Variants in ARK2C observed in about 807,000 individuals in gnomAD.
ARK2C encodes the protein E3 ubiquitin-protein ligase ARK2C.
At chr18:46,438,702 A>G in the ARK2C span, among the ~76,000 whole-genome samples, 35 of 152,310 alleles carry the variant, frequency 2.3e-4, 1 homozygote, top group South Asian at 6.8e-3. Flanking sequence ...GCACCTGTGA[A>G]TATGAGGGGC....
the ARK2C span, among the ~76,000 whole-genome samples, chr18:46,404,513 G>A: frequency 6.6e-6 from 1 of 152,132 alleles, no homozygotes; most frequent in African/African-American, 2.4e-5. Flanking sequence ...CAGCACTTTG[G>A]GTGGCCGAGG....
chr18:46,423,343 T>A, the ARK2C span, among the ~76,000 whole-genome samples: 2 of 152,148 alleles, frequency 1.3e-5, no homozygotes, highest in Non-Finnish European at 2.9e-5. Flanking sequence ...ACCTCAGCCA[T>A]TCCTCAGCAT....
At chr18:46,384,411 G>T in the ARK2C span, among the ~76,000 whole-genome samples, 1 of 152,236 alleles carries the variant, frequency 6.6e-6, no homozygotes, top group Non-Finnish European at 1.5e-5. Flanking sequence ...CTTCTTCAGA[G>T]ATCTGCCCCT....
chr18:46,334,717 A>T, the ARK2C span: 1,961 of 47,212 alleles, frequency 0.042, 29 homozygotes, highest in Middle Eastern at 0.2. This position sits in a 1 kb window ranked among gnomAD's most constrained non-coding sequence, Gnocchi z 4.4. Context: ...TGTGTGTGTG[A>T]GAGAGAGAGA....
At chr18:46,402,656 C>G in the ARK2C span, among the ~76,000 whole-genome samples, 16 of 152,198 alleles carry the variant, frequency 1.1e-4, no homozygotes, top group African/African-American at 3.6e-4. Flanking sequence ...CATGCACCAC[C>G]ATGCCTGGAT....
chr18:46,348,109 C>G, the ARK2C span, among the ~76,000 whole-genome samples: 1 of 151,984 alleles, frequency 6.6e-6, no homozygotes, highest in Non-Finnish European at 1.5e-5. Flanking sequence ...TGGGTGTTCT[C>G]TTAGCCTGCG....
chr18:46,419,301 T>C, the ARK2C span, among the ~76,000 whole-genome samples: 39,869 of 152,100 alleles, frequency 0.26, 6,156 homozygotes, highest in East Asian at 0.73. Flanking sequence ...CCATCCTCCG[T>C]AGCCAGCCCT....
chr18:46,339,387 A>G, the ARK2C span, among the ~76,000 whole-genome samples: 1 of 152,232 alleles, frequency 6.6e-6, no homozygotes, highest in Non-Finnish European at 1.5e-5. Flanking sequence ...TAACCTAGTA[A>G]TAATATAGCA....
chr18:46,408,370 G>T, the ARK2C span, among the ~76,000 whole-genome samples: 6 of 152,342 alleles, frequency 3.9e-5, no homozygotes, highest in South Asian at 1.2e-3. Flanking sequence ...AGCCAGAGTT[G>T]GCCTTAGGCT....
At chr18:46,419,750 G>A in the ARK2C span, among the ~76,000 whole-genome samples, 1,216 of 152,300 alleles carry the variant, frequency 8.0e-3, 7 homozygotes, top group African/African-American at 0.019. Context: ...AACTGGAGAC[G>A]GACAGGCCTC....
At chr18:46,394,306 C>T in the ARK2C span, among the ~76,000 whole-genome samples, 10 of 152,250 alleles carry the variant, frequency 6.6e-5, no homozygotes, top group Non-Finnish European at 1.0e-4. Flanking sequence ...TGCGTCCCAG[C>T]TCACTGGTCA....
the ARK2C span, among the ~76,000 whole-genome samples, chr18:46,402,610 C>T: frequency 2.0e-5 from 3 of 152,276 alleles, no homozygotes; most frequent in Admixed American, 6.5e-5. Flanking sequence ...AAGTGATCCT[C>T]CCATCAGCAA....
At chr18:46,346,484 A>T in the ARK2C span, among the ~76,000 whole-genome samples, 98,516 of 151,886 alleles carry the variant, frequency 0.65, 32,002 homozygotes, top group East Asian at 0.75. Flanking sequence ...GTTTGCTGGG[A>T]CTTCTTGGGG....
At chr18:46,363,781 G>T in the ARK2C span, among the ~76,000 whole-genome samples, 1 of 152,116 alleles carries the variant, frequency 6.6e-6, no homozygotes, top group Non-Finnish European at 1.5e-5. Context: ...TTAAGGTTGG[G>T]TCTCCTTGGA....
chr18:46,440,710 T>TTCGG, the ARK2C span, among the ~76,000 whole-genome samples: 10,744 of 152,326 alleles, frequency 0.071, 424 homozygotes, highest in African/African-American at 0.085. Flanking sequence ...TTATACTTTG[T>TTCGG]ATCAATCAAG....
the ARK2C span, chr18:46,336,458 A>G: frequency 2.2e-4 from 212 of 985,336 alleles, no homozygotes; most frequent in Non-Finnish European, 2.5e-4. Context: ...CCCACAGGAA[A>G]TTCAAGGGCT....
chr18:46,380,189 C>A, the ARK2C span, among the ~76,000 whole-genome samples: 1 of 152,236 alleles, frequency 6.6e-6, no homozygotes, highest in African/African-American at 2.4e-5. Flanking sequence ...AAATGGAAGA[C>A]TGGATGGTCT....
chr18:46,435,277 C>T, the ARK2C span: 1 of 1,613,076 alleles, frequency 6.2e-7, no homozygotes, highest in East Asian at 2.2e-5. Flanking sequence ...CTCTCCATCC[C>T]TTCTGGTGCA....
At chr18:46,383,550 GTTTTTTTTTTT>G in the ARK2C span, among the ~76,000 whole-genome samples, 1 of 97,892 alleles carries the variant, frequency 1.0e-5, no homozygotes, top group East Asian at 2.9e-4. Context: ...GGTTTTCTCT[GTTTTTTTTTTT>G]TTTTTTTTTT....
Sources: allele counts gnomAD v4.1 joint callset (sites outside exome capture counted in the v4.1 genomes callset), GRCh38; gene constraint gnomAD v4.1.1; non-coding constraint Gnocchi (gnomAD v3.1); transcripts MANE v1.5; gene names NCBI Gene and HGNC (gene_info 2026-07-23, HGNC 2026-07-21).